OSBPL9: variants seen among roughly 807,000 people sequenced by gnomAD.
The protein encoded by OSBPL9 is oxysterol-binding protein-related protein 9.
OSBPL9 carries 40 observed loss-of-function variants against 106.6 expected under a neutral mutation model. That is an observed-to-expected ratio of 0.38 (90% CI 0.29 to 0.49). The LOEUF is 0.49. Ranked by LOEUF, OSBPL9 falls within the 20% of genes least tolerant of loss-of-function variation. The pLI is 0.97. For synonymous variants in OSBPL9, 269 were observed against 295.4 expected, an observed-to-expected ratio of 0.91 and a Z score of 0.92; for missense variants, 609 against 887.2, an observed-to-expected ratio of 0.69 and a Z score of 3.98.
chr1:51,594,655 T>C (rs1645291496), intron 1 of OSBPL9, among the ~76,000 whole-genome samples: 1 of 152,200 alleles, frequency 6.6e-6, no homozygotes, highest in Non-Finnish European at 1.5e-5. Flanking sequence ...CCTCATTTAA[T>C]AGAGAAAGAA....
At chr1:51,751,398 T>A (rs1191992251) in intron 8 of OSBPL9, among the ~76,000 whole-genome samples, 2 of 152,124 alleles carry the variant, frequency 1.3e-5, no homozygotes, top group Non-Finnish European at 2.9e-5. Flanking sequence ...AACTTAGGGC[T>A]TATGTTCTGT....
intron 2 of OSBPL9, among the ~76,000 whole-genome samples, chr1:51,656,629 T>A (rs961030702): frequency 6.6e-6 from 1 of 151,784 alleles, no homozygotes; most frequent in African/African-American, 2.4e-5. Flanking sequence ...TTTTTTTCCT[T>A]CTTCCCCCAC....
chr1:51,747,426 A>G lies in OSBPL9; in HGVS notation c.462+669A>G, dbSNP rs868330146. On this transcript the variant is annotated intron_variant, in intron 6 of 23. Transcript: ENST00000428468. Reference sequence around the variant, plus strand: ...ATGTTCAGAATAAATAAAAAGCCATATATGAAGAAACAAATCAAATACTGC... The same window carrying G: ...ATGTTCAGAATAAATAAAAAGCCATGTATGAAGAAACAAATCAAATACTGC... Among the ~76,000 whole-genome samples, 4 of 152,194 alleles carry G rather than the reference A, an allele frequency of 2.6e-5. No homozygotes were observed. The South Asian group carries it at 8.3e-4, about 31-fold the overall frequency.
chr1:51,678,838 T>G (rs1651889649), intron 3 of OSBPL9, among the ~76,000 whole-genome samples: 1 of 152,160 alleles, frequency 6.6e-6, no homozygotes. Context: ...CATTAATCAT[T>G]TAGTAAATTA....
chr1:51,698,606 A>G (rs570735192), intron 3 of OSBPL9, among the ~76,000 whole-genome samples: 1 of 152,336 alleles, frequency 6.6e-6, no homozygotes, highest in Non-Finnish European at 1.5e-5. Context: ...AGCAAGCTGG[A>G]AAATATAATG....
chr1:51,758,990 G>A (rs1201936968), intron 9 of OSBPL9, among the ~76,000 whole-genome samples: 1 of 151,998 alleles, frequency 6.6e-6, no homozygotes, highest in African/African-American at 2.4e-5. Flanking sequence ...TTTGCAGACC[G>A]GGAAACTGAG....
chr1:51,720,178 T>G (rs1377538731), intron 4 of OSBPL9, among the ~76,000 whole-genome samples: 1 of 152,222 alleles, frequency 6.6e-6, no homozygotes, highest in Non-Finnish European at 1.5e-5. Context: ...CTAAGCTGAG[T>G]AACAGTGTGT....
At chr1:51,568,592 T>G in the OSBPL9 span, among the ~76,000 whole-genome samples, 1 of 152,204 alleles carries the variant, frequency 6.6e-6, no homozygotes, top group Non-Finnish European at 1.5e-5. Flanking sequence ...TCTCACTCTG[T>G]CACCCAGGCT....
intron 3 of OSBPL9, among the ~76,000 whole-genome samples, chr1:51,711,570 C>T: frequency 7.3e-6 from 1 of 136,450 alleles, no homozygotes; most frequent in African/African-American, 2.9e-5. Flanking sequence ...CTCCTCACTT[C>T]CCAGATGGGG....
intron 1 of OSBPL9, among the ~76,000 whole-genome samples, chr1:51,647,764 C>CA (rs1646258557): frequency 2.0e-5 from 3 of 151,620 alleles, no homozygotes; most frequent in Admixed American, 2.0e-4. Context: ...TTTGAATCCC[C>CA]TTTTTTTTCC....
chr1:51,569,355 G>T, the OSBPL9 span, among the ~76,000 whole-genome samples: 1 of 152,086 alleles, frequency 6.6e-6, no homozygotes, highest in African/African-American at 2.4e-5. Flanking sequence ...CCACCTCTGT[G>T]GTTTACTTAT....
intron 3 of OSBPL9, among the ~76,000 whole-genome samples, chr1:51,679,830 T>C (rs1341513217): frequency 6.6e-6 from 1 of 152,230 alleles, no homozygotes; most frequent in Non-Finnish European, 1.5e-5. Context: ...GATGCTGGCA[T>C]ATTGTTATAA....
chr1:51,548,932 T>C, the OSBPL9 span, among the ~76,000 whole-genome samples: 1 of 152,200 alleles, frequency 6.6e-6, no homozygotes, highest in Non-Finnish European at 1.5e-5. Flanking sequence ...CATATCAGAC[T>C]GGCATCCCTA....
chr1:51,609,148 G>A (rs1326713816), intron 2 of OSBPL9, among the ~76,000 whole-genome samples: 5 of 151,896 alleles, frequency 3.3e-5, no homozygotes, highest in South Asian at 2.1e-4. Flanking sequence ...AGTATTTTCC[G>A]TAGGCCTTAG....
At chr1:51,634,935 CACA>C (rs1645334973) in intron 1 of OSBPL9, among the ~76,000 whole-genome samples, 1 of 152,252 alleles carries the variant, frequency 6.6e-6, no homozygotes, top group Non-Finnish European at 1.5e-5. Context: ...TTTTCACTAC[CACA>C]AGAAACAGTA....
At chr1:51,604,716 C>T (rs926522579) in intron 2 of OSBPL9, among the ~76,000 whole-genome samples, 5 of 151,918 alleles carry the variant, frequency 3.3e-5, no homozygotes, top group African/African-American at 1.2e-4. Context: ...TACAATGGTG[C>T]GATCTTGGCT....
chr1:51,635,944 A>T (rs1363102327), intron 1 of OSBPL9, among the ~76,000 whole-genome samples: 2 of 152,076 alleles, frequency 1.3e-5, no homozygotes, highest in African/African-American at 4.8e-5. Flanking sequence ...GTGGCTATTT[A>T]TAATCTTTAT....
At chr1:51,547,301 T>A in the OSBPL9 span, among the ~76,000 whole-genome samples, 2 of 152,308 alleles carry the variant, frequency 1.3e-5, no homozygotes, top group Admixed American at 6.5e-5. Context: ...TTGTAAAATA[T>A]TATGCAACAA....
chr1:51,559,794 A>G, the OSBPL9 span, among the ~76,000 whole-genome samples: 2 of 152,200 alleles, frequency 1.3e-5, no homozygotes, highest in Admixed American at 6.5e-5. Flanking sequence ...GATTAGGCAT[A>G]TTAATATGGT....
Sources: gnomAD v4.1 joint callset for allele counts (sites outside exome capture counted in the v4.1 genomes callset) on GRCh38, gnomAD v4.1.1 for gene constraint, MANE v1.5 for transcripts, NCBI Gene and HGNC (gene_info 2026-07-23, HGNC 2026-07-21) for gene names.